ATAD2: variants seen among roughly 807,000 people sequenced by gnomAD.
ATAD2 encodes ATPase family AAA domain-containing protein 2.
ATAD2 carries 62 observed loss-of-function variants against 168.9 expected under a neutral mutation model. The ratio of observed to expected loss-of-function variants is 0.37; its 90% CI spans 0.30 to 0.45. The LOEUF (loss-of-function observed/expected upper bound fraction) is 0.45, where lower values mean the gene tolerates loss of function less well. Ranked by LOEUF, ATAD2 falls within the 20% of genes least tolerant of loss-of-function variation. ATAD2 has a pLI of 1.00. For missense variants in ATAD2, 1,419 were observed against 1,667.8 expected (o/e 0.85, Z 2.60); for synonymous variants, 613 against 571.6 (o/e 1.07, Z -1.03).
At chr8:123,380,703 C>T (rs577257605) in intron 1 of ATAD2, 26 bp from the exon 2 acceptor site, 2 of 1,587,994 alleles carry the variant, frequency 1.3e-6, no homozygotes, top group Non-Finnish European at 1.7e-6. Flanking sequence ...AGAAAGCCAT[C>T]TAAGTTTTTC....
At chr8:123,360,353 T>C (rs1828777340) in intron 9 of ATAD2, among the ~76,000 whole-genome samples, 1 of 152,176 alleles carries the variant, frequency 6.6e-6, no homozygotes, top group East Asian at 1.9e-4. Context: ...GTTTTGTCTT[T>C]TGGGTTTTTT....
At chr8:123,330,726 A>G (rs113998134) in intron 24 of ATAD2, among the ~76,000 whole-genome samples, 94 of 152,226 alleles carry the variant, frequency 6.2e-4, no homozygotes, top group African/African-American at 2.2e-3. Flanking sequence ...TGCTGGCATT[A>G]AATTCCTTCT....
chr8:123,377,510 C>T (rs1038101010), intron 2 of ATAD2, among the ~76,000 whole-genome samples: 3 of 151,904 alleles, frequency 2.0e-5, no homozygotes, highest in Admixed American at 2.0e-4. Context: ...ACTATGTAAA[C>T]CAAACTAAAT....
intron 8 of ATAD2, 31 bp downstream of exon 8, chr8:123,369,027 T>A (rs1303060938): frequency 7.5e-7 from 1 of 1,331,764 alleles, no homozygotes; most frequent in Non-Finnish European, 1.1e-6. Flanking sequence ...AATTATGTTG[T>A]CATAAATCAA....
At chr8:123,404,716 G>A (rs111549874) in intron 1 of ATAD2, among the ~76,000 whole-genome samples, 4,158 of 151,914 alleles carry the variant, frequency 0.027, 210 homozygotes, top group African/African-American at 0.095. Flanking sequence ...ACAGGCGCCC[G>A]CCACCACGCC....
intron 1 of ATAD2, among the ~76,000 whole-genome samples, chr8:123,390,212 C>T (rs1434378101): frequency 5.3e-5 from 8 of 151,854 alleles, no homozygotes; most frequent in Non-Finnish European, 1.2e-4. Context: ...CTTCTGATCT[C>T]CGGTGATATG....
intron 11 of ATAD2, 77 bp from the exon 12 acceptor site, chr8:123,357,813 C>T: frequency 7.5e-7 from 1 of 1,336,560 alleles, no homozygotes; most frequent in Non-Finnish European, 1.0e-6. Context: ...AAACCAATTT[C>T]ATGATTCATT....
At chr8:123,401,369 C>A, upstream of ATAD2, 2 of 1,395,366 alleles carry the variant, frequency 1.4e-6, no homozygotes, top group Non-Finnish European at 2.0e-6. Flanking sequence ...CTCACCCAGG[C>A]GGGTGTCGAC....
At chr8:123,360,469 G>A (rs1194708344) in intron 9 of ATAD2, among the ~76,000 whole-genome samples, 1 of 152,148 alleles carries the variant, frequency 6.6e-6, no homozygotes, top group Admixed American at 6.5e-5. Flanking sequence ...AGCCTCCTGA[G>A]TAGCTGGGAT....
At chr8:123,411,394 G>A (rs537893932) in intron 1 of ATAD2, among the ~76,000 whole-genome samples, 17 of 152,130 alleles carry the variant, frequency 1.1e-4, no homozygotes, top group African/African-American at 2.2e-4. Flanking sequence ...AGCAGTCGTC[G>A]GCGAACCTCC....
At chr8:123,413,224 G>GCC (rs34824091) in intron 1 of ATAD2, among the ~76,000 whole-genome samples, 8 of 129,908 alleles carry the variant, frequency 6.2e-5, no homozygotes, top group South Asian at 2.6e-4. Context: ...TCTAATGAGC[G>GCC]CCCCCCCCCC....
rs1049992957 is a variant in ATAD2, at chr8:123,319,909, C to T, written c.*1225G>A. The T allele has an allele frequency of 6.6e-6, 1 of 151,984 alleles. No individual in the cohort carries two copies. Among genetic ancestry groups the T allele is most frequent in the African/African-American group, 2.4e-5 (1 of 41,392 alleles). The allele number at this position is 151,984 out of a possible 1,614,324, so 9.4% of individuals were successfully genotyped here. On this transcript the variant is annotated 3_prime_UTR_variant, in exon 28 of 28. Transcript: ENST00000287394. ...TAAGCTATACACACAAAATGAAATCCTAGTTATAAAAGATGCATCTAGAAG... is the reference window on the plus strand; with the variant it reads ...TAAGCTATACACACAAAATGAAATCTTAGTTATAAAAGATGCATCTAGAAG...
chr8:123,412,419 GT>G (rs1406428889), intron 1 of ATAD2, among the ~76,000 whole-genome samples: 2 of 152,042 alleles, frequency 1.3e-5, no homozygotes, highest in Non-Finnish European at 2.9e-5. Flanking sequence ...AAATTATGTA[GT>G]TTTTTTAAGT....
intron 6 of ATAD2, 38 bp from the exon 7 acceptor site, chr8:123,370,062 A>T (rs1829105467): frequency 6.3e-7 from 1 of 1,577,568 alleles, no homozygotes; most frequent in Non-Finnish European, 8.6e-7. Context: ...AAAGATACTC[A>T]GCAAAATGTT....
chr8:123,365,677 C>T (rs1828955057), intron 8 of ATAD2, among the ~76,000 whole-genome samples: 1 of 152,002 alleles, frequency 6.6e-6, no homozygotes, highest in African/African-American at 2.4e-5. Flanking sequence ...GAAAGGACAC[C>T]CTATTCATCA....
intron 11 of ATAD2, 135 bp downstream of exon 11, chr8:123,359,086 A>G: frequency 1.7e-6 from 1 of 573,996 alleles, no homozygotes. Context: ...AAGGTGATTC[A>G]GAGAGAAAAG....
upstream of ATAD2, among the ~76,000 whole-genome samples, chr8:123,399,612 T>C (rs1812971147): frequency 6.6e-6 from 1 of 152,070 alleles, no homozygotes; most frequent in African/African-American, 2.4e-5. Flanking sequence ...ATCCCAGCAC[T>C]TTGGGAGGCC....
Position 123,359,318 on chromosome 8 carries a change from CA to C in ATAD2, c.1284del (p.Gly429ValfsTer7). On this transcript the variant is annotated frameshift_variant, in exon 11 of 28. Coordinates refer to ENST00000287394, the MANE Select transcript of ATAD2 (RefSeq NM_014109.4). LOFTEE classifies it high-confidence loss of function. ...QLDSSVRFDS[V>X]GGLSNHIAAL... is the part of the protein sequence containing the mutation. ...GCTGCTATATGATTAGACAGGCCAC[CA>C]ACACTATCAAATCGTACCTGGTAAT... 1 of 1,607,446 alleles carries C rather than the reference CA, an allele frequency of 6.2e-7. No individual in the cohort carries two copies. Among genetic ancestry groups the C allele is most frequent in the South Asian group, 1.1e-5 (1 of 89,424 alleles).
intron 19 of ATAD2, chr8:123,342,433 A>G (rs1287716266): frequency 6.6e-6 from 1 of 152,224 alleles, no homozygotes; most frequent in African/African-American, 2.4e-5. Context: ...TCAGCAGCAC[A>G]TATACTAAAA....
Sources: gnomAD v4.1 joint callset for allele counts (sites outside exome capture counted in the v4.1 genomes callset) on GRCh38, gnomAD v4.1.1 for gene constraint, MANE v1.5 for transcripts, NCBI Gene and HGNC (gene_info 2026-07-23, HGNC 2026-07-21) for gene names.